Variants in DEPDC5 observed in about 807,000 individuals in gnomAD.
The protein encoded by DEPDC5 is DEP domain containing 5, GATOR1 subcomplex subunit.
A neutral mutation model predicts 217.3 loss-of-function variants in DEPDC5; 73 were observed. That is an observed-to-expected ratio of 0.34 (90% CI 0.28 to 0.41). The LOEUF is 0.41. DEPDC5 is among the 10% of genes least tolerant of loss of function. The pLI is 1.00. For synonymous variants in DEPDC5, 733 were observed against 756.7 expected (o/e 0.97, Z 0.51); for missense variants, 1,675 against 2,070.1 (o/e 0.81, Z 3.70).
At chr22:31,787,943 C>T (rs1049380745) in intron 10 of DEPDC5, among the ~76,000 whole-genome samples, 4 of 151,568 alleles carry the variant, frequency 2.6e-5, no homozygotes, top group Non-Finnish European at 5.9e-5. Flanking sequence ...AACTCAAGAA[C>T]GAAAAGAAAA....
At chr22:31,786,246 A>G (rs1424129683) in intron 10 of DEPDC5, among the ~76,000 whole-genome samples, 1 of 151,434 alleles carries the variant, frequency 6.6e-6, no homozygotes, top group African/African-American at 2.4e-5. Context: ...ACAGAGTGAG[A>G]CTCCATCTCA....
At chr22:31,890,696 G>A (rs2093421966) in intron 38 of DEPDC5, among the ~76,000 whole-genome samples, 1 of 149,006 alleles carries the variant, frequency 6.7e-6, no homozygotes, top group Non-Finnish European at 1.5e-5. Context: ...GCAACAAAGT[G>A]AGATTCTGTC....
chr22:31,899,871 G>A (rs1001650434), intron 40 of DEPDC5, among the ~76,000 whole-genome samples: 6 of 152,006 alleles, frequency 3.9e-5, no homozygotes, highest in African/African-American at 9.7e-5. Flanking sequence ...GGTGCTGTGC[G>A]ACAGCCTTCC....
intron 30 of DEPDC5, among the ~76,000 whole-genome samples, chr22:31,845,735 A>G (rs1389176228): frequency 6.6e-6 from 1 of 151,922 alleles, no homozygotes; most frequent in African/African-American, 2.4e-5. Context: ...TTTTAAACAT[A>G]TAGTATAATT....
chr22:31,857,589 G>A (rs781409214), intron 32 of DEPDC5, 36 bp downstream of exon 32: 5 of 1,547,174 alleles, frequency 3.2e-6, no homozygotes, highest in African/African-American at 1.4e-5. Flanking sequence ...GCTGTTCTGT[G>A]CTCTCAGAGA....
At chr22:31,809,520 T>C in intron 18 of DEPDC5, 91 bp from the exon 19 acceptor site, 1 of 1,414,392 alleles carries the variant, frequency 7.1e-7, no homozygotes, top group Middle Eastern at 1.8e-4. Context: ...ACAGGCTGTC[T>C]TCCCTGGGAG....
intron 35 of DEPDC5, 141 bp from the exon 36 acceptor site, chr22:31,874,132 C>T (rs886634574): frequency 3.8e-6 from 5 of 1,314,214 alleles, no homozygotes; most frequent in South Asian, 1.4e-5. Context: ...GGGTGTTTCT[C>T]TGAGTCTAGG....
At chr22:31,895,316 C>A (rs984043411) in intron 39 of DEPDC5, among the ~76,000 whole-genome samples, 27 of 152,204 alleles carry the variant, frequency 1.8e-4, no homozygotes, top group African/African-American at 6.5e-4. Flanking sequence ...GGTTGAGAAG[C>A]CCTGTTTTAA....
At chr22:31,818,944 T>C in intron 21 of DEPDC5, 78 bp from the exon 22 acceptor site, 1 of 1,480,566 alleles carries the variant, frequency 6.8e-7, no homozygotes, top group South Asian at 1.2e-5. Flanking sequence ...TCAGCCTTGG[T>C]TTATCATTCT....
At position 31,815,051 on chromosome 22, in the gene DEPDC5, C is replaced by G. The variant is rs1409178941; in HGVS notation, c.1505C>G (p.Ser502Cys). The G allele has an allele frequency of 6.2e-7, 1 of 1,614,022 alleles. No individual in the cohort carries two copies. Among genetic ancestry groups the G allele is most frequent in the Non-Finnish European group, 8.5e-7 (1 of 1,180,036 alleles). The change falls in exon 21 of 43, where the codon TCC becomes TGC. Residue 502 changes from serine (S) to cysteine (C), a missense_variant. Transcript: ENST00000651528. Reference sequence around the variant, plus strand: ...AGTGCCAGCTCCTGTGATGTTTCATCCAGCCCTTCCCTACCAAGCCGCACA... The same window carrying G: ...AGTGCCAGCTCCTGTGATGTTTCATGCAGCCCTTCCCTACCAAGCCGCACA... ...RKSASSCDVS[S>C]SPSLPSRTLP...
chr22:31,834,004 GA>G, intron 25 of DEPDC5, 24 bp downstream of exon 25: 1 of 1,610,418 alleles, frequency 6.2e-7, no homozygotes. Context: ...GCTGACTGGG[GA>G]AAGGGGTAGA....
intron 38 of DEPDC5, among the ~76,000 whole-genome samples, chr22:31,893,186 T>G (rs1017599968): frequency 3.3e-5 from 5 of 152,074 alleles, no homozygotes; most frequent in African/African-American, 1.2e-4. Flanking sequence ...TGTTGTATAT[T>G]CTGTAGGTTT....
At chr22:31,837,780 C>T (rs1435588592) in intron 26 of DEPDC5, among the ~76,000 whole-genome samples, 1 of 152,102 alleles carries the variant, frequency 6.6e-6, no homozygotes, top group Non-Finnish European at 1.5e-5. Flanking sequence ...CATCTCACTG[C>T]AACCTCTACC....
At chr22:31,816,939 C>G (rs139545735) in intron 21 of DEPDC5, 2 of 153,114 alleles carry the variant, frequency 1.3e-5, no homozygotes, top group African/African-American at 4.8e-5. Flanking sequence ...CCCTTAAGTT[C>G]GGCATGACTG....
At chr22:31,847,244 G>A (rs747751929) in intron 31 of DEPDC5, among the ~76,000 whole-genome samples, 2 of 152,090 alleles carry the variant, frequency 1.3e-5, no homozygotes, top group Non-Finnish European at 2.9e-5. Context: ...GGGGCCAGGT[G>A]TGGTGGCTCA....
intron 35 of DEPDC5, 128 bp downstream of exon 35, chr22:31,873,460 A>G: frequency 2.0e-6 from 2 of 985,488 alleles, no homozygotes; most frequent in Non-Finnish European, 3.0e-6. Context: ...AGCTTGGGCA[A>G]GTCACTTGAC....
At chr22:31,815,864 C>T (rs1751277961) in intron 21 of DEPDC5, 2 of 1,106,012 alleles carry the variant, frequency 1.8e-6, no homozygotes, top group African/African-American at 3.3e-5. Context: ...TTTAGCCTTT[C>T]TTCATCCATC....
In DEPDC5 at chr22:31,902,144, A is replaced by G. The variant is rs183785366; in HGVS notation, c.4436+342A>G. Among the ~76,000 whole-genome samples the G allele has an allele frequency of 3.3e-4, 50 of 152,270 alleles. 1 individual carries two copies. Among genetic ancestry groups the G allele is most frequent in the Admixed American group, 3.1e-3 (47 of 15,286 alleles). ...TTAAAAAATGTGTCAAGAGCCCAAC[A>G]CAGGTTGAAAAGACAATGAATGGTT... On this transcript the variant is annotated intron_variant, in intron 41 of 42. Coordinates refer to ENST00000651528, the MANE Select transcript of DEPDC5 (RefSeq NM_001242896.3).
intron 38 of DEPDC5, among the ~76,000 whole-genome samples, chr22:31,887,324 CAGG>C (rs1172203572): frequency 2.1e-5 from 3 of 143,950 alleles, no homozygotes; most frequent in Admixed American, 1.5e-4. Context: ...GGAGCTGAAG[CAGG>C]AGAATTGCTT....
Sources: gnomAD v4.1 joint callset for allele counts (sites outside exome capture counted in the v4.1 genomes callset) on GRCh38, gnomAD v4.1.1 for gene constraint, MANE v1.5 for transcripts, NCBI Gene and HGNC (gene_info 2026-07-23, HGNC 2026-07-21) for gene names.